Variants in TANC2 observed in about 807,000 individuals in gnomAD.
TANC2 encodes the protein tetratricopeptide repeat, ankyrin repeat and coiled-coil containing 2, also known as protein TANC2.
A neutral mutation model predicts 210.5 loss-of-function variants in TANC2; 26 were observed. The observed-to-expected ratio is 0.12, with a 90% CI of 0.09 to 0.17. The LOEUF (loss-of-function observed/expected upper bound fraction) is 0.17. Among genes scored for constraint, TANC2 ranks in the 10% least tolerant of loss-of-function variants. TANC2 has a pLI of 1.00. For synonymous variants in TANC2, 931 were observed against 967.1 expected, an observed-to-expected ratio of 0.96 and a Z score of 0.69; for missense variants, 2,129 against 2,608.9, an observed-to-expected ratio of 0.82 and a Z score of 4.01.
At chr17:63,163,935 A>C (rs745905567) in intron 5 of TANC2, among the ~76,000 whole-genome samples, 1 of 152,152 alleles carries the variant, frequency 6.6e-6, no homozygotes, top group Non-Finnish European at 1.5e-5. Flanking sequence ...TTGGCTGTTT[A>C]AAGACTGGCT....
At chr17:63,414,005 A>T (rs907628136) in intron 25 of TANC2, 4 of 160,726 alleles carry the variant, frequency 2.5e-5, no homozygotes, top group African/African-American at 9.6e-5. Flanking sequence ...GTCATAATAT[A>T]TACATAGATT....
intron 4 of TANC2, among the ~76,000 whole-genome samples, chr17:63,120,459 A>G (rs1331067764): frequency 6.6e-6 from 1 of 152,162 alleles, no homozygotes; most frequent in Non-Finnish European, 1.5e-5. Flanking sequence ...TTGGATGATC[A>G]TTTAGCCCCT....
chr17:63,378,212 A>G (rs73327717), intron 14 of TANC2, among the ~76,000 whole-genome samples: 6,369 of 152,236 alleles, frequency 0.042, 446 homozygotes, highest in African/African-American at 0.14. Context: ...TTTTTCTTCT[A>G]AAAGTTTTAT....
rs1266114806 is a variant in TANC2 at position 63,220,719 on chromosome 17, A to AATAT, written c.770-17080_770-17077dup. 5.7e-4 allele frequency among the ~76,000 whole-genome samples: 77 copies of AATAT among 134,392 alleles called. 4 individuals are homozygous for AATAT. The South Asian group carries it at 0.011, about 19-fold the overall frequency. 88.2% of individuals were successfully genotyped at this position (134,392 alleles called of 152,430 possible). ...AATCAGTCTCAAAAAAAAAAAAAAA[A>AATAT]ATATATATATATATATATGTATATA... On this transcript the variant is annotated intron_variant, in intron 7 of 27. Coordinates refer to ENST00000689528, the Ensembl canonical transcript of TANC2.
chr17:62,967,126 G>A (rs1427633936), intron 1 of TANC2: 1 of 152,254 alleles, frequency 6.6e-6, no homozygotes, highest in Non-Finnish European at 1.5e-5. Flanking sequence ...AAATGTGCCA[G>A]GTAAGGCACA....
Position 63,364,475 on chromosome 17 carries a change from T to C in TANC2, c.2582+9085T>C, listed in dbSNP as rs184082021. Among the ~76,000 whole-genome samples, 130 of 152,348 alleles carry C rather than the reference T, an allele frequency of 8.5e-4. 1 individual carries two copies. Among genetic ancestry groups the C allele is most frequent in the African/African-American group, 2.6e-3 (107 of 41,576 alleles). ...TCATAAAAACTTATGAGAGATTTCC[T>C]AAGTCTATATACATACAGAGATATA... is the stretch of plus-strand genomic sequence containing the variant. On this transcript the variant is annotated intron_variant, in intron 14 of 27. Coordinates refer to ENST00000689528, the Ensembl canonical transcript of TANC2.
At chr17:63,122,753 C>T (rs921071615) in intron 4 of TANC2, among the ~76,000 whole-genome samples, 2 of 152,024 alleles carry the variant, frequency 1.3e-5, no homozygotes, top group African/African-American at 4.8e-5. Context: ...AAAACAAAAA[C>T]AGAAGATTAT....
At chr17:63,021,669 A>T (rs2034353863) in intron 2 of TANC2, among the ~76,000 whole-genome samples, 1 of 152,218 alleles carries the variant, frequency 6.6e-6, no homozygotes, top group Admixed American at 6.5e-5. Context: ...GTACTGAGAG[A>T]GTGGAGTTGT....
At chr17:63,188,038 C>A (rs1211109424) in intron 5 of TANC2, among the ~76,000 whole-genome samples, 1 of 152,108 alleles carries the variant, frequency 6.6e-6, no homozygotes, top group African/African-American at 2.4e-5. Flanking sequence ...ACTTGTACTA[C>A]AAGAAATGTC....
chr17:63,001,154 C>T (rs561469076), intron 1 of TANC2, among the ~76,000 whole-genome samples: 1 of 151,896 alleles, frequency 6.6e-6, no homozygotes, highest in African/African-American at 2.4e-5. Flanking sequence ...TCATTTTTTT[C>T]CTTTCAAAAC....
At chr17:63,378,404 A>C (rs928921969) in intron 14 of TANC2, among the ~76,000 whole-genome samples, 2 of 152,210 alleles carry the variant, frequency 1.3e-5, no homozygotes, top group Non-Finnish European at 2.9e-5. Flanking sequence ...CTGGAAAAAA[A>C]AAACAAAATT....
intron 11 of TANC2, among the ~76,000 whole-genome samples, chr17:63,319,890 C>A (rs2045440736): frequency 6.6e-6 from 1 of 152,156 alleles, no homozygotes; most frequent in African/African-American, 2.4e-5. Context: ...GCCACTTTTA[C>A]CTCTTAAGGA....
intron 1 of TANC2, among the ~76,000 whole-genome samples, chr17:62,977,286 C>G (rs1423477950): frequency 6.6e-6 from 1 of 152,102 alleles, no homozygotes; most frequent in Non-Finnish European, 1.5e-5. Context: ...GAATCTTTTT[C>G]TTTAAATGAA....
chr17:63,031,446 C>T (rs2034766366), intron 2 of TANC2, among the ~76,000 whole-genome samples: 1 of 152,114 alleles, frequency 6.6e-6, no homozygotes, highest in Non-Finnish European at 1.5e-5. Context: ...CAAAAATTTA[C>T]ATCACACTTC....
chr17:63,099,248 T>C lies in TANC2; in HGVS notation c.213T>C (p.Gly71=), dbSNP rs746100565. 2.5e-6 allele frequency: 4 copies of C among 1,609,364 alleles called. No individual in the cohort carries two copies. Among genetic ancestry groups the C allele is most frequent in the East Asian group, 4.5e-5 (2 of 44,762 alleles). The change falls in exon 4 of 28, where the codon GGT becomes GGC. Residue 71 remains glycine (G), a synonymous_variant. Transcript: ENST00000689528. ...TCCCGCCACTTCCAGTGAGTGAAGG[T>C]ATGCAGCACATTCGGATTATGGAGG...
intron 17 of TANC2, among the ~76,000 whole-genome samples, chr17:63,392,871 A>C (rs956117123): frequency 1.3e-5 from 2 of 152,220 alleles, no homozygotes; most frequent in African/African-American, 4.8e-5. Flanking sequence ...GGCAAAAAAA[A>C]ATGCATAGAG....
intron 9 of TANC2, among the ~76,000 whole-genome samples, chr17:63,281,532 G>A (rs2044058067): frequency 6.6e-6 from 1 of 152,002 alleles, no homozygotes. Flanking sequence ...TTTGAATCCG[G>A]CTAAGTTAAC....
rs376064282 is a variant in TANC2 at position 63,420,975 on chromosome 17, G to A, written c.5245G>A (p.Gly1749Arg). Residue 1749 changes from glycine (G) to arginine (R), a missense_variant, in exon 28 of 28, where the codon GGG becomes AGG. Physicochemically the swap from Gly to Arg is moderately radical, Grantham distance 125. Around this residue, in one of 5 missense-constraint regions of TANC2, gnomAD observed 584 missense variants for 627.3 expected, o/e 0.93. Coordinates refer to ENST00000689528, the Ensembl canonical transcript of TANC2. This position sits in a 1 kb window ranked among gnomAD's most constrained non-coding sequence, Gnocchi z 4.2. ...CCGGTTGGTTTATCAAGGGTCAATT[G>A]GGGGAATCGTAGGGGATGGAAGGCC... The A allele has an allele frequency of 5.6e-6, 9 of 1,613,844 alleles. No individual in the cohort carries two copies. In the African/African-American group the frequency reaches 1.2e-4, roughly 22 times the overall value.
intron 8 of TANC2, among the ~76,000 whole-genome samples, chr17:63,257,096 A>G (rs1286199027): frequency 2.2e-5 from 3 of 138,290 alleles, no homozygotes; most frequent in Non-Finnish European, 4.6e-5. Flanking sequence ...TTTTTGGTCC[A>G]TTCAGCCACG....
Sources: allele counts gnomAD v4.1 joint callset (sites outside exome capture counted in the v4.1 genomes callset), GRCh38; gene constraint gnomAD v4.1.1; regional missense constraint gnomAD v4.1.1; non-coding constraint Gnocchi (gnomAD v3.1); transcripts MANE v1.5; gene names NCBI Gene and HGNC (gene_info 2026-07-23, HGNC 2026-07-21).